The following BMAL2 variants were observed in gnomAD, a reference collection of about 807,000 sequenced individuals.
BMAL2 encodes the protein basic helix-loop-helix ARNT like 2.
At chr12:27,350,077 T>C in the BMAL2 span, among the ~76,000 whole-genome samples, 1 of 152,192 alleles carries the variant, frequency 6.6e-6, no homozygotes, top group Non-Finnish European at 1.5e-5. Flanking sequence ...CAGAAATTGG[T>C]ATAGGTTGTC....
chr12:27,414,310 A>T, the BMAL2 span, among the ~76,000 whole-genome samples: 1 of 152,224 alleles, frequency 6.6e-6, no homozygotes, highest in Non-Finnish European at 1.5e-5. Flanking sequence ...AGTGGACTTG[A>T]CTAAAGACGT....
chr12:27,346,961 C>T, the BMAL2 span, among the ~76,000 whole-genome samples: 1 of 152,152 alleles, frequency 6.6e-6, no homozygotes, highest in Non-Finnish European at 1.5e-5. Context: ...GCACCCTGCC[C>T]TCTTGCTTTC....
chr12:27,354,615 G>C, the BMAL2 span, among the ~76,000 whole-genome samples: 1 of 152,048 alleles, frequency 6.6e-6, no homozygotes, highest in African/African-American at 2.4e-5. Context: ...ACATTGTTTT[G>C]TGCAAAAATT....
the BMAL2 span, among the ~76,000 whole-genome samples, chr12:27,368,030 A>G: frequency 6.6e-6 from 1 of 151,604 alleles, no homozygotes; most frequent in South Asian, 2.1e-4. Flanking sequence ...TTTAATAGAG[A>G]TGGGGTTTTG....
the BMAL2 span, among the ~76,000 whole-genome samples, chr12:27,376,100 T>C: frequency 6.6e-6 from 1 of 152,256 alleles, no homozygotes; most frequent in Non-Finnish European, 1.5e-5. Context: ...TATTGTTCAC[T>C]GTCAGTTAAC....
chr12:27,332,972 T>C, the BMAL2 span: 2 of 982,630 alleles, frequency 2.0e-6, no homozygotes, highest in African/African-American at 3.5e-5. Flanking sequence ...AGTCCCCGCT[T>C]CCCTGCTCCA....
the BMAL2 span, chr12:27,333,000 G>A: frequency 1.8e-6 from 2 of 1,130,510 alleles, no homozygotes; most frequent in African/African-American, 3.3e-5. Flanking sequence ...CGCCTGGGCC[G>A]GGGCAGGGCG....
chr12:27,410,785 G>A, the BMAL2 span, among the ~76,000 whole-genome samples: 9 of 151,896 alleles, frequency 5.9e-5, no homozygotes, highest in Non-Finnish European at 1.2e-4. Context: ...TAAAACTAAA[G>A]CTTTTCCAGA....
chr12:27,412,992 G>A, the BMAL2 span, among the ~76,000 whole-genome samples: 1 of 151,142 alleles, frequency 6.6e-6, no homozygotes, highest in Non-Finnish European at 1.5e-5. Flanking sequence ...TATTCAAAGT[G>A]CTGCAAGGAA....
At chr12:27,424,668 G>A in the BMAL2 span, 1 of 152,134 alleles carries the variant, frequency 6.6e-6, no homozygotes, top group Non-Finnish European at 1.5e-5. Flanking sequence ...CTGCCAAGAG[G>A]TATCTCCCCC....
At chr12:27,401,561 CA>C in the BMAL2 span, 1 of 1,607,556 alleles carries the variant, frequency 6.2e-7, no homozygotes, top group Non-Finnish European at 8.5e-7. Context: ...CAGATTCCTA[CA>C]AATTCAGAGC....
chr12:27,352,509 G>T, the BMAL2 span, among the ~76,000 whole-genome samples: 1 of 152,124 alleles, frequency 6.6e-6, no homozygotes, highest in African/African-American at 2.4e-5. Flanking sequence ...CTGGAACAAG[G>T]CGAGGATGCC....
chr12:27,407,406 T>G, the BMAL2 span, among the ~76,000 whole-genome samples: 1 of 152,014 alleles, frequency 6.6e-6, no homozygotes, highest in African/African-American at 2.4e-5. Flanking sequence ...TCAGACCATA[T>G]TGCAATCAAA....
At chr12:27,386,341 C>G in the BMAL2 span, among the ~76,000 whole-genome samples, 1 of 152,148 alleles carries the variant, frequency 6.6e-6, no homozygotes, top group South Asian at 2.1e-4. Flanking sequence ...CTGCTTCTGC[C>G]CTGCAGAGCA....
the BMAL2 span, among the ~76,000 whole-genome samples, chr12:27,386,198 T>G: frequency 6.6e-6 from 1 of 152,232 alleles, no homozygotes; most frequent in Admixed American, 6.5e-5. Flanking sequence ...AATTTAAATA[T>G]AGCATTTCTG....
the BMAL2 span, chr12:27,421,960 TAAAAC>T: frequency 6.6e-6 from 1 of 152,284 alleles, no homozygotes; most frequent in Non-Finnish European, 1.5e-5. Context: ...CCAAAGGTAA[TAAAAC>T]AAAATGACAA....
the BMAL2 span, among the ~76,000 whole-genome samples, chr12:27,335,630 A>G: frequency 6.6e-6 from 1 of 152,342 alleles, no homozygotes; most frequent in African/African-American, 2.4e-5. Context: ...GCAAAATTTC[A>G]GCCAGAAATG....
the BMAL2 span, among the ~76,000 whole-genome samples, chr12:27,382,539 A>G: frequency 6.6e-6 from 1 of 152,210 alleles, no homozygotes; most frequent in Admixed American, 6.5e-5. Context: ...AACAGGGCGT[A>G]GATTTTGCCT....
the BMAL2 span, among the ~76,000 whole-genome samples, chr12:27,407,883 T>G: frequency 6.6e-6 from 1 of 151,804 alleles, no homozygotes; most frequent in African/African-American, 2.4e-5. Flanking sequence ...AAGAATCAAA[T>G]AGATGCAATA....
Sources: gnomAD v4.1 joint callset for allele counts (sites outside exome capture counted in the v4.1 genomes callset) on GRCh38, gnomAD v4.1.1 for gene constraint, MANE v1.5 for transcripts, NCBI Gene and HGNC (gene_info 2026-07-23, HGNC 2026-07-21) for gene names.